The following HNRNPF variants were observed in gnomAD, a reference collection of about 807,000 sequenced individuals.
HNRNPF encodes heterogeneous nuclear ribonucleoprotein F.
In HNRNPF, 2 loss-of-function variants were observed where a neutral mutation model predicts 26.0. The ratio of observed to expected loss-of-function variants is 0.08; its 90% CI spans 0.03 to 0.24. The LOEUF is 0.24. Ranked by LOEUF, HNRNPF falls within the 10% of genes least tolerant of loss-of-function variation. The pLI is 1.00. For missense variants in HNRNPF, 299 were observed against 539.2 expected (o/e 0.55, Z 4.41); for synonymous variants, 234 against 211.5 (o/e 1.11, Z -0.92).
Position 43,386,423 on chromosome 10 carries a change from G to C in HNRNPF, c.*214C>G, listed in dbSNP as rs1056547680. 1 of 498,640 alleles carries C rather than the reference G, an allele frequency of 2.0e-6. No homozygotes were observed. The highest frequency in any genetic ancestry group is 3.8e-5 in the Admixed American group (1 of 26,464). The allele number at this position is 498,640 out of a possible 1,614,324, so 30.9% of individuals were successfully genotyped here. On this transcript the variant is annotated 3_prime_UTR_variant, in exon 4 of 4. Coordinates refer to ENST00000682386, the MANE Select transcript of HNRNPF (RefSeq NM_001098204.2). ...GAAGTATACTACCAAAATGTTAATT[G>C]AGAAAAGCTGAAAATAGTTTTAGTT... is the stretch of plus-strand genomic sequence containing the variant.
rs756267118 is a variant in HNRNPF, at chr10:43,387,603, A to G, written c.282T>C (p.Asp94=). 6.2e-7 allele frequency: 1 copy of G among 1,613,880 alleles called. No individual in the cohort carries two copies. Among genetic ancestry groups the G allele is most frequent in the Non-Finnish European group, 8.5e-7 (1 of 1,179,968 alleles). The change falls in exon 4 of 4, where the codon GAT becomes GAC. Residue 94 remains aspartate, a synonymous_variant. Transcript: ENST00000682386. This position sits in a 1 kb window ranked among gnomAD's most constrained non-coding sequence, Gnocchi z 6.0. ...EVFKSHRTEM[D]WVLKHSGPNS... is the part of the protein sequence containing the mutation. ...TGGGACCACTGTGCTTCAACACCCA[A>G]TCCATCTCGGTTCTGTGGGACTTGA...
At position 43,387,979 on chromosome 10, in the gene HNRNPF, A is replaced by G; in HGVS notation, c.-52-43T>C. 1 of 1,068,722 alleles carries G rather than the reference A, an allele frequency of 9.4e-7. No homozygotes were observed. The highest frequency in any genetic ancestry group is 1.3e-6 in the Non-Finnish European group (1 of 747,370). 66.2% of individuals were successfully genotyped at this position (1,068,722 alleles called of 1,614,324 possible). A position where few individuals can be genotyped will look rare whatever the true frequency, so the allele number is the denominator to read the frequency against. On this transcript the variant is annotated intron_variant, in intron 3 of 3. Transcript: ENST00000682386. The surrounding 1 kb of genome is among the most constrained non-coding windows in gnomAD (Gnocchi z 6.0). The stretch of plus-strand genomic sequence containing the variant: ...AAAAATTTATTTAGTATGCAACAGA[A>G]ATTTTCCCCATTTTACAGACGAGAG...
intron 1 of HNRNPF, among the ~76,000 whole-genome samples, chr10:43,399,774 C>T (rs918793648): frequency 6.6e-6 from 1 of 152,168 alleles, no homozygotes; most frequent in Non-Finnish European, 1.5e-5. Flanking sequence ...CCAAGAAATA[C>T]TACGCACCTA....
At chr10:43,399,882 T>C (rs184049884) in intron 1 of HNRNPF, among the ~76,000 whole-genome samples, 3 of 152,230 alleles carry the variant, frequency 2.0e-5, no homozygotes, top group Admixed American at 1.3e-4. Context: ...AAATATATGA[T>C]GACAAATTTT....
In HNRNPF at chr10:43,386,506, T is replaced by C; in HGVS notation, c.*131A>G. 1 of 893,150 alleles carries C rather than the reference T, an allele frequency of 1.1e-6. No homozygotes were observed. Among genetic ancestry groups the C allele is most frequent in the Non-Finnish European group, 1.6e-6 (1 of 612,702 alleles). The allele number at this position is 893,150 out of a possible 1,614,324, so 55.3% of individuals were successfully genotyped here. A position where few individuals can be genotyped will look rare whatever the true frequency, so the allele number is the denominator to read the frequency against. ...CATGAGAAAACACTGAAGAGGTAATTTTTTAATCCAGATTTTTCACAAACT... is the reference window on the plus strand; with the variant it reads ...CATGAGAAAACACTGAAGAGGTAATCTTTTAATCCAGATTTTTCACAAACT... On this transcript the variant is annotated 3_prime_UTR_variant, in exon 4 of 4. Coordinates refer to ENST00000682386, the MANE Select transcript of HNRNPF (RefSeq NM_001098204.2).
In HNRNPF at chr10:43,386,848, G is replaced by A; in HGVS notation, c.1037C>T (p.Ser346Phe). The stretch of plus-strand genomic sequence containing the variant: ...GTGCTGCATATTGGCCCTGTCTTTG[G>A]ACATAGCTGCCACAGCTTCTTCATG... Reference protein sequence around the residue: ...ATHEEAVAAMSKDRANMQHRY... With the variant: ...ATHEEAVAAMFKDRANMQHRY... The change falls in exon 4 of 4, where the codon TCC becomes TTC. Residue 346 changes from serine to phenylalanine, a missense_variant. Around this residue, in one of 6 missense-constraint regions of HNRNPF, gnomAD observed 36 missense variants for 93.8 expected, o/e 0.38. Transcript: ENST00000682386. The A allele has an allele frequency of 6.2e-7, 1 of 1,614,162 alleles. No homozygotes were observed. The highest frequency in any genetic ancestry group is 1.1e-5 in the South Asian group (1 of 91,084).
In HNRNPF at chr10:43,387,154, TCGTAGCCCC is replaced by T; in HGVS notation, c.722_730del (p.Gly241_Tyr243del). On this transcript the variant is annotated inframe_deletion, in exon 4 of 4. Transcript: ENST00000682386. The surrounding 1 kb of genome is among the most constrained non-coding windows in gnomAD (Gnocchi z 6.0). Reference sequence around the variant, plus strand: ...GCCATCACTGAGGCCACTGTACTCCTCGTAGCCCCCGTAGCCTGTGCTGTAGGCACCAGG... The same window carrying T: ...GCCATCACTGAGGCCACTGTACTCCTCGTAGCCTGTGCTGTAGGCACCAGG... 6.2e-7 allele frequency: 1 copy of T among 1,614,152 alleles called. No homozygotes were observed. Among genetic ancestry groups the T allele is most frequent in the Non-Finnish European group, 8.5e-7 (1 of 1,180,024 alleles).
At chr10:43,400,210 GA>G (rs375038758) in intron 1 of HNRNPF, among the ~76,000 whole-genome samples, 47 of 151,514 alleles carry the variant, frequency 3.1e-4, no homozygotes, top group African/African-American at 1.0e-3. Context: ...AAAACTGAGG[GA>G]AAAAAAAGAA....
intron 2 of HNRNPF, among the ~76,000 whole-genome samples, chr10:43,394,906 G>C (rs183650885): frequency 6.6e-6 from 1 of 152,222 alleles, no homozygotes; most frequent in African/African-American, 2.4e-5. Context: ...ACGCCTTATT[G>C]ATCTTGATGA....
intron 1 of HNRNPF, among the ~76,000 whole-genome samples, chr10:43,398,224 C>A (rs915163752): frequency 2.6e-5 from 4 of 152,128 alleles, no homozygotes; most frequent in African/African-American, 4.8e-5. Flanking sequence ...TGTGGTTTCA[C>A]CGTGTTGGCT....
chr10:43,396,922 G>A lies in HNRNPF; in HGVS notation c.-246-332C>T, dbSNP rs1427123119. Reference sequence around the variant, plus strand: ...AGGGGAGGGGAGGGGAGGGGAGGGGGCCCCTGGCGGGCTTCCGGGGCCCTG... The same window carrying A: ...AGGGGAGGGGAGGGGAGGGGAGGGGACCCCTGGCGGGCTTCCGGGGCCCTG... On this transcript the variant is annotated intron_variant, in intron 1 of 3. Transcript: ENST00000682386. The A allele has an allele frequency of 3.1e-5, 4 of 129,940 alleles. No individual in the cohort carries two copies. The East Asian group carries it at 9.2e-4, about 30-fold the overall frequency. 8.0% of individuals were successfully genotyped at this position (129,940 alleles called of 1,614,324 possible).
chr10:43,402,967 T>G (rs997423983), intron 1 of HNRNPF, among the ~76,000 whole-genome samples: 4 of 152,116 alleles, frequency 2.6e-5, no homozygotes, highest in Non-Finnish European at 5.9e-5. Context: ...ACTCACTGCA[T>G]CCTCTATGTC....
At chr10:43,404,477 A>G (rs556311246) in intron 1 of HNRNPF, among the ~76,000 whole-genome samples, 1 of 152,278 alleles carries the variant, frequency 6.6e-6, no homozygotes, top group East Asian at 1.9e-4. Flanking sequence ...TAACATGACA[A>G]AAGAGAAGAT....
At chr10:43,399,244 G>C (rs1838674468) in intron 1 of HNRNPF, among the ~76,000 whole-genome samples, 1 of 151,910 alleles carries the variant, frequency 6.6e-6, no homozygotes, top group Non-Finnish European at 1.5e-5. Context: ...CACCAAGCCG[G>C]GCTAATTTTT....
chr10:43,393,305 C>A (rs950240499), intron 3 of HNRNPF, among the ~76,000 whole-genome samples: 1 of 152,128 alleles, frequency 6.6e-6, no homozygotes, highest in African/African-American at 2.4e-5. Context: ...TTAAATAAGT[C>A]CAAGCATAGG....
At chr10:43,399,422 T>C (rs955104972) in intron 1 of HNRNPF, among the ~76,000 whole-genome samples, 2 of 152,312 alleles carry the variant, frequency 1.3e-5, no homozygotes, top group East Asian at 1.9e-4. Flanking sequence ...ACCATAGGGT[T>C]CCTGCCTGTG....
intron 1 of HNRNPF, among the ~76,000 whole-genome samples, chr10:43,399,364 A>G (rs1838680069): frequency 6.6e-6 from 1 of 152,184 alleles, no homozygotes; most frequent in Non-Finnish European, 1.5e-5. Context: ...GATTATAGGT[A>G]TAAGCCACTG....
At chr10:43,388,192 G>A (rs1207920307) in intron 3 of HNRNPF, among the ~76,000 whole-genome samples, 1 of 152,144 alleles carries the variant, frequency 6.6e-6, no homozygotes, top group South Asian at 2.1e-4. Flanking sequence ...TCAGTTTAGA[G>A]CAAGGGCATT....
At position 43,385,676 on chromosome 10, in the gene HNRNPF, G is replaced by A. The variant is rs1451473042; in HGVS notation, c.*961C>T. 1.3e-5 allele frequency: 2 copies of A among 152,126 alleles called. No homozygotes were observed. Among genetic ancestry groups the A allele is most frequent in the Admixed American group, 6.6e-5 (1 of 15,266 alleles). 9.4% of individuals were successfully genotyped at this position (152,126 alleles called of 1,614,324 possible). A position where few individuals can be genotyped will look rare whatever the true frequency, so the allele number is the denominator to read the frequency against. On this transcript the variant is annotated 3_prime_UTR_variant, in exon 4 of 4. Coordinates refer to ENST00000682386, the MANE Select transcript of HNRNPF (RefSeq NM_001098204.2). ...ACAAAATAATTGCTTTCACAATGTA[G>A]TACTTGAAACTAAAGTTCTCCAGCT... is the stretch of plus-strand genomic sequence containing the variant.
Sources: gnomAD v4.1 joint callset for allele counts (sites outside exome capture counted in the v4.1 genomes callset) on GRCh38, gnomAD v4.1.1 for gene constraint, gnomAD v4.1.1 regional missense constraint, Gnocchi (gnomAD v3.1) non-coding constraint, MANE v1.5 for transcripts, NCBI Gene and HGNC (gene_info 2026-07-23, HGNC 2026-07-21) for gene names.